PAN3: variants seen among roughly 807,000 people sequenced by gnomAD.
PAN3 encodes PAN2-PAN3 deadenylation complex subunit PAN3.
PAN3 carries 19 observed loss-of-function variants against 96.2 expected under a neutral mutation model. The ratio of observed to expected loss-of-function variants is 0.20; its 90% CI spans 0.14 to 0.29. PAN3 has a LOEUF of 0.29. Ranked by LOEUF, PAN3 falls within the 10% of genes least tolerant of loss-of-function variation. PAN3 has a pLI of 1.00. For missense variants in PAN3, 882 were observed against 1,108.1 expected (o/e 0.80, Z 2.90); for synonymous variants, 433 against 406.6 (o/e 1.06, Z -0.78).
Position 28,293,665 on chromosome 13 carries a change from G to A in PAN3, c.*1143G>A, listed in dbSNP as rs1207958372. The stretch of plus-strand genomic sequence containing the variant: ...ATAACTCACTCTGTGCGATATTCCT[G>A]AATAAGTCCATCTCAAAAGTTTGGG... On this transcript the variant is annotated 3_prime_UTR_variant, in exon 19 of 19. Coordinates refer to ENST00000380958, the MANE Select transcript of PAN3 (RefSeq NM_175854.8). 6.6e-6 allele frequency: 1 copy of A among 152,500 alleles called. No individual in the cohort carries two copies. Among genetic ancestry groups the A allele is most frequent in the African/African-American group, 2.4e-5 (1 of 41,390 alleles). The allele number at this position is 152,500 out of a possible 1,614,324, so 9.4% of individuals were successfully genotyped here. A position where few individuals can be genotyped will look rare whatever the true frequency, so the allele number is the denominator to read the frequency against.
chr13:28,239,679 T>G (rs1328219352), intron 6 of PAN3: 1 of 1,287,680 alleles, frequency 7.8e-7, no homozygotes, highest in Admixed American at 2.3e-5. Context: ...TGGGCAGCGT[T>G]GGACAGCTCT....
chr13:28,258,963 AT>A (rs1172974104), intron 7 of PAN3, among the ~76,000 whole-genome samples: 2 of 151,906 alleles, frequency 1.3e-5, no homozygotes, highest in Non-Finnish European at 2.9e-5. Context: ...TTGTATTGTC[AT>A]TTTTTTCCCC....
chr13:28,252,796 G>A (rs559061672), intron 6 of PAN3, among the ~76,000 whole-genome samples: 1 of 152,138 alleles, frequency 6.6e-6, no homozygotes, highest in Non-Finnish European at 1.5e-5. Context: ...AAATACGAAA[G>A]TGAAATATTC....
chr13:28,145,252 C>CGTGTGTGT (rs112715236), intron 1 of PAN3, among the ~76,000 whole-genome samples: 348 of 151,792 alleles, frequency 2.3e-3, no homozygotes, highest in African/African-American at 7.6e-3. Flanking sequence ...TTTGCACTTG[C>CGTGTGTGT]GTGTGTGTGT....
chr13:28,209,749 C>T (rs1455472803), intron 5 of PAN3, among the ~76,000 whole-genome samples: 1 of 151,798 alleles, frequency 6.6e-6, no homozygotes, highest in Non-Finnish European at 1.5e-5. Context: ...CGTTTTTCTC[C>T]TTCCTGCCTG....
At chr13:28,178,083 C>A in intron 4 of PAN3, 148 bp downstream of exon 4, 1 of 667,676 alleles carries the variant, frequency 1.5e-6, no homozygotes, top group Non-Finnish European at 2.5e-6. Flanking sequence ...TATCCTTTTT[C>A]TTTATCTTTT....
At chr13:28,186,640 G>A (rs560360556) in intron 4 of PAN3, among the ~76,000 whole-genome samples, 2 of 152,268 alleles carry the variant, frequency 1.3e-5, no homozygotes, top group South Asian at 4.1e-4. Flanking sequence ...CTGAAAAAGT[G>A]TACACATACA....
At chr13:28,194,458 A>ATG (rs1877738248) in intron 4 of PAN3, among the ~76,000 whole-genome samples, 1 of 101,628 alleles carries the variant, frequency 9.8e-6, no homozygotes, top group African/African-American at 5.2e-5. Flanking sequence ...ATGTATATAT[A>ATG]TATATATATT....
chr13:28,264,577 A>C (rs1886006282), intron 9 of PAN3, among the ~76,000 whole-genome samples: 1 of 152,168 alleles, frequency 6.6e-6, no homozygotes, highest in Admixed American at 6.6e-5. Flanking sequence ...ATTACATAGA[A>C]CCAAATTGCT....
In PAN3 at chr13:28,267,183, A is replaced by G. The variant is rs1886252705; in HGVS notation, c.1662A>G (p.Val554=). 1.2e-6 allele frequency: 2 copies of G among 1,613,348 alleles called. No homozygotes were observed. The highest frequency in any genetic ancestry group is 1.7e-5 in the Admixed American group (1 of 59,998). ...QHSNIVTLRE[V]FTTKAFAEPS... ...CAAATATCGTAACTTTGCGTGAAGT[A>G]TTTACCACTAAAGCATTTGCTGAGC... is the stretch of plus-strand genomic sequence containing the variant. Residue 554 remains valine, a synonymous_variant, in exon 11 of 19, where the codon GTA becomes GTG. Coordinates refer to ENST00000380958, the MANE Select transcript of PAN3 (RefSeq NM_175854.8).
chr13:28,142,865 A>T (rs1477218250), intron 1 of PAN3, among the ~76,000 whole-genome samples: 2 of 152,148 alleles, frequency 1.3e-5, no homozygotes, highest in African/African-American at 2.4e-5. Flanking sequence ...CCCTAACTGG[A>T]TGACTTTTAT....
At chr13:28,260,663 T>G in intron 8 of PAN3, 112 bp downstream of exon 8, 1 of 833,600 alleles carries the variant, frequency 1.2e-6, no homozygotes, top group African/African-American at 1.7e-5. Context: ...TATGCTCTAG[T>G]AAAGCACATC....
chr13:28,169,649 G>A (rs1187964449), intron 1 of PAN3, among the ~76,000 whole-genome samples: 2 of 152,126 alleles, frequency 1.3e-5, no homozygotes, highest in Non-Finnish European at 2.9e-5. Context: ...ATTGGTTAGT[G>A]ATTTTTTCCT....
intron 4 of PAN3, among the ~76,000 whole-genome samples, chr13:28,186,546 A>G (rs1228041025): frequency 7.0e-6 from 1 of 143,706 alleles, no homozygotes; most frequent in Non-Finnish European, 1.6e-5. Context: ...CTGCAATTTA[A>G]AAGTTTGTTT....
chr13:28,265,331 C>G (rs1886069510), intron 9 of PAN3, among the ~76,000 whole-genome samples: 1 of 152,228 alleles, frequency 6.6e-6, no homozygotes. Context: ...TCCCAAGTAG[C>G]TAGGACTATA....
intron 17 of PAN3, among the ~76,000 whole-genome samples, chr13:28,286,039 G>A (rs1446409294): frequency 6.6e-6 from 1 of 152,166 alleles, no homozygotes; most frequent in Non-Finnish European, 1.5e-5. Context: ...GTCCTAAAAA[G>A]CCAATGGGAA....
At chr13:28,163,194 A>G (rs1364128734) in intron 1 of PAN3, among the ~76,000 whole-genome samples, 1 of 152,176 alleles carries the variant, frequency 6.6e-6, no homozygotes, top group African/African-American at 2.4e-5. Flanking sequence ...AAAAAATAAT[A>G]AAAAATAAAT....
intron 1 of PAN3, among the ~76,000 whole-genome samples, chr13:28,144,718 CTTTTTTT>C (rs1555267660): frequency 2.1e-5 from 1 of 46,776 alleles, no homozygotes; most frequent in Admixed American, 3.1e-4. Flanking sequence ...AAAACATCAT[CTTTTTTT>C]TTTTTTTTTT....
intron 2 of PAN3, among the ~76,000 whole-genome samples, 162 bp downstream of exon 2, chr13:28,174,555 T>C (rs1874714394): frequency 6.6e-6 from 1 of 151,924 alleles, no homozygotes; most frequent in South Asian, 2.1e-4. Flanking sequence ...GGGGTTGGAG[T>C]TAATGAGAGC....
Sources: allele counts gnomAD v4.1 joint callset (sites outside exome capture counted in the v4.1 genomes callset), GRCh38; gene constraint gnomAD v4.1.1; transcripts MANE v1.5; gene names NCBI Gene and HGNC (gene_info 2026-07-23, HGNC 2026-07-21).